Variants in MALRD1 observed in about 807,000 individuals in gnomAD.
MALRD1 encodes the protein MAM and LDL-receptor class A domain-containing protein 1.
In MALRD1, 247 loss-of-function variants were observed where a neutral mutation model predicts 242.1. The observed-to-expected ratio is 1.02, with a 90% CI of 0.92 to 1.13. The LOEUF (loss-of-function observed/expected upper bound fraction) is 1.13, where lower values mean the gene tolerates loss of function less well. MALRD1 is among the 50% of genes most tolerant of loss of function. The probability of loss-of-function intolerance (pLI) is 0.00; values close to 1 mark genes in which losing one functional copy is unlikely to be tolerated. For synonymous variants in MALRD1, 995 were observed against 866.6 expected (o/e 1.15, Z -2.60); for missense variants, 2,989 against 2,533.1 (o/e 1.18, Z -3.86).
At chr10:19,392,872 A>G (rs1272106817) in intron 28 of MALRD1, among the ~76,000 whole-genome samples, 1 of 152,206 alleles carries the variant, frequency 6.6e-6, no homozygotes, top group Non-Finnish European at 1.5e-5. Flanking sequence ...TTTACTAGGT[A>G]GGATGATTGG....
intron 28 of MALRD1, among the ~76,000 whole-genome samples, chr10:19,402,664 A>T (rs1846919540): frequency 6.6e-6 from 1 of 152,190 alleles, no homozygotes; most frequent in East Asian, 1.9e-4. Context: ...TAAAATAGTT[A>T]TTCCCTTAAA....
chr10:19,316,327 TAAAGTCAAAA>T (rs1398574255), intron 21 of MALRD1, among the ~76,000 whole-genome samples: 1 of 151,794 alleles, frequency 6.6e-6, no homozygotes, highest in African/African-American at 2.4e-5. Context: ...AAAGGACCAA[TAAAGTCAAAA>T]ACAAGACTTT....
chr10:19,538,932 C>T (rs1271400923), intron 32 of MALRD1, among the ~76,000 whole-genome samples: 2 of 152,104 alleles, frequency 1.3e-5, no homozygotes, highest in Non-Finnish European at 2.9e-5. Flanking sequence ...TTGAGGCATT[C>T]TTAGGCCTAA....
At chr10:19,676,134 A>C (rs1177519033) in intron 36 of MALRD1, among the ~76,000 whole-genome samples, 1 of 152,200 alleles carries the variant, frequency 6.6e-6, no homozygotes, top group African/African-American at 2.4e-5. Context: ...TCAAGGAGGA[A>C]TTGAGATGAA....
chr10:19,583,620 G>A (rs1221002925), intron 33 of MALRD1, among the ~76,000 whole-genome samples: 1 of 152,096 alleles, frequency 6.6e-6, no homozygotes, highest in South Asian at 2.1e-4. Context: ...GCTGGATTCG[G>A]TTTGCCAGTA....
At chr10:19,487,435 A>G (rs1018149897) in intron 29 of MALRD1, among the ~76,000 whole-genome samples, 1 of 151,736 alleles carries the variant, frequency 6.6e-6, no homozygotes, top group Non-Finnish European at 1.5e-5. Context: ...AGTTCAGAGC[A>G]TCACTTTATT....
chr10:19,639,723 C>T (rs913037100), intron 36 of MALRD1, among the ~76,000 whole-genome samples: 1 of 152,146 alleles, frequency 6.6e-6, no homozygotes, highest in African/African-American at 2.4e-5. Flanking sequence ...CTATTTCCAA[C>T]ATATATGCCT....
At chr10:19,200,064 G>A (rs1836453271) in intron 14 of MALRD1, among the ~76,000 whole-genome samples, 1 of 152,138 alleles carries the variant, frequency 6.6e-6, no homozygotes, top group Non-Finnish European at 1.5e-5. Context: ...GGAGGTTGAG[G>A]CTGCCATGAG....
At chr10:19,433,049 T>A (rs1445575373) in intron 28 of MALRD1, among the ~76,000 whole-genome samples, 1 of 152,246 alleles carries the variant, frequency 6.6e-6, no homozygotes, top group East Asian at 1.9e-4. Flanking sequence ...TATTGAACAC[T>A]TACTATGTGC....
chr10:19,485,292 A>C (rs907684004), intron 29 of MALRD1, among the ~76,000 whole-genome samples: 1 of 152,208 alleles, frequency 6.6e-6, no homozygotes, highest in African/African-American at 2.4e-5. Flanking sequence ...TGTACAATTC[A>C]TCATATAACC....
At chr10:19,099,425 C>T (rs928235266) in intron 4 of MALRD1, among the ~76,000 whole-genome samples, 7 of 152,088 alleles carry the variant, frequency 4.6e-5, no homozygotes, top group Admixed American at 1.3e-4. Context: ...TGACCACTTA[C>T]GTCTATTCAG....
intron 2 of MALRD1, among the ~76,000 whole-genome samples, chr10:19,080,291 A>G (rs982985355): frequency 1.2e-4 from 18 of 152,066 alleles, no homozygotes; most frequent in African/African-American, 3.9e-4. Flanking sequence ...ATATAACCCA[A>G]AAGAGGTCTC....
intron 33 of MALRD1, among the ~76,000 whole-genome samples, chr10:19,585,243 T>C (rs1837329158): frequency 6.6e-6 from 1 of 152,144 alleles, no homozygotes; most frequent in African/African-American, 2.4e-5. Flanking sequence ...TTAATATTGT[T>C]ATGTGTGAAT....
intron 32 of MALRD1, among the ~76,000 whole-genome samples, chr10:19,553,503 A>G (rs190855333): frequency 1.3e-5 from 2 of 152,232 alleles, no homozygotes; most frequent in East Asian, 1.9e-4. Context: ...AAAATTTTAT[A>G]CTTTTCATAA....
chr10:19,143,003 T>C (rs1354205816), intron 10 of MALRD1, among the ~76,000 whole-genome samples: 2 of 152,244 alleles, frequency 1.3e-5, no homozygotes, highest in African/African-American at 2.4e-5. Flanking sequence ...AGCCAATCAA[T>C]TCACCAAGGT....
chr10:19,533,585 G>A (rs1264928892), intron 32 of MALRD1, among the ~76,000 whole-genome samples: 4 of 152,180 alleles, frequency 2.6e-5, no homozygotes, highest in African/African-American at 4.8e-5. Context: ...TCTGATGAGG[G>A]TTCAAGAAGC....
chr10:19,110,065 C>T (rs988109146), intron 5 of MALRD1, among the ~76,000 whole-genome samples: 6 of 152,178 alleles, frequency 3.9e-5, no homozygotes, highest in African/African-American at 4.8e-5. Context: ...CAGTCTGAGT[C>T]CCCATGCTCT....
intron 28 of MALRD1, among the ~76,000 whole-genome samples, chr10:19,435,827 C>A (rs1264195973): frequency 6.6e-6 from 1 of 152,114 alleles, no homozygotes; most frequent in Admixed American, 6.6e-5. Context: ...TCATGGTCCA[C>A]CTCCGTAAGG....
chr10:19,498,442 A>G (rs755071675), intron 30 of MALRD1, 43 bp from the exon 31 acceptor site: 1 of 1,501,956 alleles, frequency 6.7e-7, no homozygotes, highest in Non-Finnish European at 9.0e-7. Context: ...AGCAAATGTG[A>G]TAGACATTTC....
Sources: gnomAD v4.1 joint callset for allele counts (sites outside exome capture counted in the v4.1 genomes callset) on GRCh38, gnomAD v4.1.1 for gene constraint, MANE v1.5 for transcripts, NCBI Gene and HGNC (gene_info 2026-07-23, HGNC 2026-07-21) for gene names.